Variants in NRG1 observed in about 807,000 individuals in gnomAD.
NRG1 encodes pro-neuregulin-1, membrane-bound isoform.
Under a neutral mutation model 63.8 loss-of-function variants are expected in NRG1, and 18 were observed. That is an observed-to-expected ratio of 0.28 (90% CI 0.19 to 0.42). The LOEUF (loss-of-function observed/expected upper bound fraction) is 0.42, where lower values mean the gene tolerates loss of function less well. Ranked by LOEUF, NRG1 falls within the 10% of genes least tolerant of loss-of-function variation. The pLI is 1.00. For synonymous variants in NRG1, 302 were observed against 301.3 expected, an observed-to-expected ratio of 1.00 and a Z score of -0.02; for missense variants, 762 against 814.7, an observed-to-expected ratio of 0.94 and a Z score of 0.79.
In NRG1 at chr8:31,940,810, A is replaced by G. The variant is rs560192132; in HGVS notation, c.37+301379A>G. ...ACTAGAAAACCTAGGGGAGATGGAT[A>G]AATTCCTGGAAATATACAACCCTCC... On this transcript the variant is annotated intron_variant, in intron 1 of 10. Transcript: ENST00000519301. Among the ~76,000 whole-genome samples, 60 of 152,280 alleles carry G rather than the reference A, an allele frequency of 3.9e-4. 2 individuals carry two copies. The South Asian group carries it at 0.012, about 30-fold the overall frequency.
intron 1 of NRG1, among the ~76,000 whole-genome samples, chr8:31,671,597 C>A (rs1018393678): frequency 6.6e-6 from 1 of 152,110 alleles, no homozygotes; most frequent in Admixed American, 6.6e-5. Flanking sequence ...AGAGGAGAGG[C>A]AAACACAAGT....
At chr8:31,739,467 A>G (rs1364101041) in intron 1 of NRG1, among the ~76,000 whole-genome samples, 4 of 151,960 alleles carry the variant, frequency 2.6e-5, no homozygotes, top group Non-Finnish European at 5.9e-5. Flanking sequence ...AGCTAATTTT[A>G]TTACTTTTTT....
At chr8:31,815,554 G>A (rs1358876494) in intron 1 of NRG1, among the ~76,000 whole-genome samples, 4 of 152,152 alleles carry the variant, frequency 2.6e-5, no homozygotes, top group African/African-American at 9.7e-5. Context: ...CTATAAACAT[G>A]AATGTACAGA....
intron 1 of NRG1, among the ~76,000 whole-genome samples, chr8:32,327,654 C>A (rs117395318): frequency 0.01 from 1,539 of 152,232 alleles, 12 homozygotes; most frequent in Non-Finnish European, 0.017. Flanking sequence ...TGAAGATCAT[C>A]CTTGTTTTTC....
At chr8:31,783,831 G>A (rs927584386) in intron 1 of NRG1, among the ~76,000 whole-genome samples, 26 of 152,136 alleles carry the variant, frequency 1.7e-4, no homozygotes, top group African/African-American at 5.8e-4. Context: ...ATGGTATCAC[G>A]ATCCTCATAA....
chr8:32,772,866 C>A (rs186667427), downstream of NRG1, among the ~76,000 whole-genome samples: 15 of 152,268 alleles, frequency 9.9e-5, no homozygotes, highest in African/African-American at 3.4e-4. Context: ...ACTACCCAAC[C>A]CCCTGTAACC....
intron 1 of NRG1, among the ~76,000 whole-genome samples, chr8:32,522,486 C>T (rs562994692): frequency 6.6e-6 from 1 of 152,242 alleles, no homozygotes; most frequent in South Asian, 2.1e-4. Context: ...TGTCCTATTA[C>T]TGTGTTCTCA....
chr8:31,760,559 A>T (rs987887473), intron 1 of NRG1, among the ~76,000 whole-genome samples: 1 of 152,158 alleles, frequency 6.6e-6, no homozygotes, highest in Non-Finnish European at 1.5e-5. Context: ...TCATCTGACA[A>T]AGGGCTAATA....
chr8:32,743,117 C>A, intron 7 of NRG1: 1 of 1,004,882 alleles, frequency 1.0e-6, no homozygotes, highest in Non-Finnish European at 1.2e-6. Flanking sequence ...ACAATGACCA[C>A]ATCCTGAAAA....
chr8:32,113,627 T>A (rs1832326823), intron 1 of NRG1, among the ~76,000 whole-genome samples: 1 of 152,204 alleles, frequency 6.6e-6, no homozygotes, highest in Admixed American at 6.5e-5. Flanking sequence ...GAATCTGATA[T>A]AAGTGTCTAC....
chr8:32,180,012 T>A (rs768531008), intron 1 of NRG1, among the ~76,000 whole-genome samples: 10 of 152,212 alleles, frequency 6.6e-5, no homozygotes, highest in Non-Finnish European at 1.3e-4. Context: ...TTCCATTTTT[T>A]AAACCTGAGC....
At chr8:31,891,301 CA>C (rs1831125337) in intron 1 of NRG1, among the ~76,000 whole-genome samples, 1 of 151,936 alleles carries the variant, frequency 6.6e-6, no homozygotes, top group African/African-American at 2.4e-5. Flanking sequence ...ATTTTAGTAA[CA>C]ATCTATTTTA....
At chr8:31,653,733 G>A (rs1805139098) in intron 1 of NRG1, among the ~76,000 whole-genome samples, 1 of 152,140 alleles carries the variant, frequency 6.6e-6, no homozygotes, top group African/African-American at 2.4e-5. Flanking sequence ...GCATTTTATG[G>A]GTGAGTTTTG....
chr8:32,133,767 G>A (rs1018375157), intron 1 of NRG1, among the ~76,000 whole-genome samples: 5 of 152,078 alleles, frequency 3.3e-5, no homozygotes, highest in Non-Finnish European at 7.4e-5. Context: ...AAGAAGTGGA[G>A]GCAGCAGGCT....
intron 1 of NRG1, among the ~76,000 whole-genome samples, chr8:31,840,790 T>A (rs1826128007): frequency 6.6e-6 from 1 of 152,196 alleles, no homozygotes; most frequent in African/African-American, 2.4e-5. Flanking sequence ...CATGTTTGTA[T>A]CACTCTGTTA....
At chr8:32,352,217 A>G (rs1459756480) in intron 1 of NRG1, among the ~76,000 whole-genome samples, 1 of 151,002 alleles carries the variant, frequency 6.6e-6, no homozygotes, top group Non-Finnish European at 1.5e-5. Context: ...ACTGAAGTAG[A>G]GGCCCATTTT....
At chr8:31,780,829 C>T (rs778448189) in intron 1 of NRG1, among the ~76,000 whole-genome samples, 2 of 152,126 alleles carry the variant, frequency 1.3e-5, no homozygotes, top group Non-Finnish European at 2.9e-5. Flanking sequence ...GTTTTCTCTG[C>T]CACCACAGAG....
intron 1 of NRG1, among the ~76,000 whole-genome samples, chr8:31,662,636 C>G (rs1198591584): frequency 6.6e-6 from 1 of 152,154 alleles, no homozygotes; most frequent in African/African-American, 2.4e-5. Context: ...AGGTCGTCAC[C>G]TTTTAGGACC....
At chr8:32,454,240 C>T (rs745879776) in intron 1 of NRG1, among the ~76,000 whole-genome samples, 3 of 151,942 alleles carry the variant, frequency 2.0e-5, no homozygotes, top group Admixed American at 1.3e-4. Context: ...TTTTATGTGA[C>T]GGGTAGTATT....
Sources: gnomAD v4.1 joint callset for allele counts (sites outside exome capture counted in the v4.1 genomes callset) on GRCh38, gnomAD v4.1.1 for gene constraint, MANE v1.5 for transcripts, NCBI Gene and HGNC (gene_info 2026-07-23, HGNC 2026-07-21) for gene names.